Variants in SLC7A5 observed in about 807,000 individuals in gnomAD.
The protein encoded by SLC7A5 is solute carrier family 7 member 5.
In SLC7A5, 23 loss-of-function variants were observed where a neutral mutation model predicts 50.2. That is an observed-to-expected ratio of 0.46 (90% CI 0.33 to 0.65). SLC7A5 has a LOEUF of 0.65. Ranked by LOEUF, SLC7A5 falls within the 30% of genes least tolerant of loss-of-function variation. The probability of loss-of-function intolerance (pLI) is 0.02; values close to 1 mark genes in which losing one functional copy is unlikely to be tolerated. For synonymous variants in SLC7A5, 393 were observed against 330.6 expected (o/e 1.19, Z -2.05); for missense variants, 578 against 684.4 (o/e 0.84, Z 1.73).
Position 87,832,854 on chromosome 16 carries a change from G to T in SLC7A5, c.*116C>A. The T allele has an allele frequency of 1.2e-6, 1 of 841,634 alleles. No individual in the cohort carries two copies. 52.1% of individuals were successfully genotyped at this position (841,634 alleles called of 1,614,324 possible). On this transcript the variant is annotated 3_prime_UTR_variant, in exon 10 of 10. Transcript: ENST00000261622. The surrounding 1 kb of genome is among the most constrained non-coding windows in gnomAD (Gnocchi z 4.6). Reference sequence around the variant, plus strand: ...CTGCCCGACCTGGGAGGGACGGCGAGGGACTGGGATGGGCAGCTGAGCTGT... The same window carrying T: ...CTGCCCGACCTGGGAGGGACGGCGATGGACTGGGATGGGCAGCTGAGCTGT...
chr16:87,849,003 T>C (rs2055187413), intron 2 of SLC7A5, among the ~76,000 whole-genome samples: 1 of 152,180 alleles, frequency 6.6e-6, no homozygotes, highest in African/African-American at 2.4e-5. Context: ...AGGAGGAGCC[T>C]TTTCAGCCCC....
rs1322075119 is a variant in SLC7A5 at position 87,869,280 on chromosome 16, C to T, written c.143G>A (p.Arg48Gln). The T allele has an allele frequency of 2.5e-6, 4 of 1,612,084 alleles. No individual in the cohort carries two copies. Among genetic ancestry groups the T allele is most frequent in the Non-Finnish European group, 3.4e-6 (4 of 1,179,838 alleles). Residue 48 changes from arginine (R) to glutamine (Q), a missense_variant, in exon 1 of 10, where the codon CGG becomes CAG. Physicochemically the swap from Arg to Gln is conservative, Grantham distance 43. Coordinates refer to ENST00000261622, the MANE Select transcript of SLC7A5 (RefSeq NM_003486.7). ...AGEGEGVTLQRNITLLNGVAI... is the reference protein window; with the variant it reads ...AGEGEGVTLQQNITLLNGVAI... ...CACGCCGTTGAGCAGCGTGATGTTC[C>T]GCTGCAGGGTCACGCCCTCGCCCTC...
intron 2 of SLC7A5, among the ~76,000 whole-genome samples, chr16:87,844,257 C>CG (rs574529409): frequency 8.1e-4 from 123 of 152,340 alleles, no homozygotes; most frequent in African/African-American, 2.9e-3. Flanking sequence ...AGCCAAACCC[C>CG]GGGTGGGGGG....
In SLC7A5 at chr16:87,853,447, C is replaced by T. The variant is rs574631393; in HGVS notation, c.539-1598G>A. 1.6e-4 allele frequency among the ~76,000 whole-genome samples: 25 copies of T among 152,214 alleles called. No homozygotes were observed. Among genetic ancestry groups the T allele is most frequent in the East Asian group, 3.9e-4 (2 of 5,180 alleles). On this transcript the variant is annotated intron_variant, in intron 1 of 9. Transcript: ENST00000261622. The surrounding 1 kb of genome is among the most constrained non-coding windows in gnomAD (Gnocchi z 4.4). ...TCCTAAAATAAAATACTTGAAATTC[C>T]GGAACTTCCACTCCTCACCCAAACT...
intron 8 of SLC7A5, among the ~76,000 whole-genome samples, chr16:87,835,852 C>G (rs1005156493): frequency 1.3e-4 from 20 of 152,350 alleles, no homozygotes; most frequent in African/African-American, 4.6e-4. Flanking sequence ...ATGGTCCGGG[C>G]AGGGAAGCAG....
Position 87,863,688 on chromosome 16 carries a change from T to C in SLC7A5, c.538+5197A>G, listed in dbSNP as rs1370578034. ...AGCAAGGGATTTTTTTCACTCACCG[T>C]CAGTGGGATGGTTCTAAGCACCGAG... On this transcript the variant is annotated intron_variant, in intron 1 of 9. Transcript: ENST00000261622. The C allele has an allele frequency of 2.6e-5, 4 of 152,022 alleles. No individual in the cohort carries two copies. The East Asian group carries it at 5.8e-4, about 22-fold the overall frequency. The allele number at this position is 152,022 out of a possible 1,614,324, so 9.4% of individuals were successfully genotyped here. A position where few individuals can be genotyped will look rare whatever the true frequency, so the allele number is the denominator to read the frequency against.
intron 2 of SLC7A5, among the ~76,000 whole-genome samples, chr16:87,846,693 C>T (rs2055158633): frequency 6.6e-6 from 1 of 152,168 alleles, no homozygotes; most frequent in South Asian, 2.1e-4. Context: ...GGCGGGGCCT[C>T]TCACCGACTC....
chr16:87,841,891 A>G lies in SLC7A5; in HGVS notation c.665-736T>C, dbSNP rs1414070681. Among the ~76,000 whole-genome samples, 1 of 152,180 alleles carries G rather than the reference A, an allele frequency of 6.6e-6. No homozygotes were observed. The highest frequency in any genetic ancestry group is 1.5e-5 in the Non-Finnish European group (1 of 68,014). ...CACATCTGCGAAGACCCTTTTTCCA[A>G]ATAAGGCCACCAGCATTCACAGGTT... On this transcript the variant is annotated intron_variant, in intron 2 of 9. Transcript: ENST00000261622. This position sits in a 1 kb window ranked among gnomAD's most constrained non-coding sequence, Gnocchi z 4.8.
chr16:87,847,568 T>C (rs2055169384), intron 2 of SLC7A5, among the ~76,000 whole-genome samples: 2 of 152,200 alleles, frequency 1.3e-5, no homozygotes, highest in Non-Finnish European at 2.9e-5. Flanking sequence ...ACTCAGGAAC[T>C]GTCCCGTCAG....
rs1421939494 is a variant in SLC7A5 at position 87,861,515 on chromosome 16, C to G, written c.538+7370G>C. The stretch of plus-strand genomic sequence containing the variant: ...CTCGCTCCTGCCTCAGTTTCCCCAG[C>G]TGTAAATTGGGGATTATCACTGGCT... On this transcript the variant is annotated intron_variant, in intron 1 of 9. Coordinates refer to ENST00000261622, the MANE Select transcript of SLC7A5 (RefSeq NM_003486.7). The surrounding 1 kb of genome is among the most constrained non-coding windows in gnomAD (Gnocchi z 4.2). Among the ~76,000 whole-genome samples, 1 of 152,168 alleles carries G rather than the reference C, an allele frequency of 6.6e-6. No homozygotes were observed. The highest frequency in any genetic ancestry group is 1.5e-5 in the Non-Finnish European group (1 of 68,020).
At chr16:87,866,935 G>T (rs905192788) in intron 1 of SLC7A5, among the ~76,000 whole-genome samples, 17 of 151,940 alleles carry the variant, frequency 1.1e-4, no homozygotes, top group African/African-American at 3.4e-4. Flanking sequence ...GCACCCAGGG[G>T]CTGCTTTTTT....
intron 2 of SLC7A5, among the ~76,000 whole-genome samples, chr16:87,843,207 G>A (rs898533446): frequency 7.2e-5 from 11 of 152,200 alleles, no homozygotes; most frequent in African/African-American, 2.6e-4. Flanking sequence ...CCTCATAGCT[G>A]ACCTCCAGCC....
chr16:87,855,012 C>A (rs528650322), intron 1 of SLC7A5, among the ~76,000 whole-genome samples: 1 of 152,258 alleles, frequency 6.6e-6, no homozygotes, highest in South Asian at 2.1e-4. Flanking sequence ...CCTGGCCATA[C>A]CCAGAGCCAG....
At position 87,836,587 on chromosome 16, in the gene SLC7A5, T is replaced by G; in HGVS notation, c.1201A>C (p.Ser401Arg). 1 of 1,613,686 alleles carries G rather than the reference T, an allele frequency of 6.2e-7. No individual in the cohort carries two copies. The change falls in exon 8 of 10, where the codon AGC (serine) becomes CGC (arginine). Residue 401 changes from serine to arginine, a missense_variant. Physicochemically the swap from Ser to Arg is moderately radical, Grantham distance 110. This residue lies in a region of SLC7A5 where 465 missense variants were observed against 594.6 expected (regional missense o/e 0.78). Coordinates refer to ENST00000261622, the MANE Select transcript of SLC7A5 (RefSeq NM_003486.7). ...KDIFSVINFF[S>R]FFNWLCVALA... ...GCCACGCAGAGCCAGTTGAAGAAGC[T>G]GAAGAAGTTGATGACGGAGAAGATG...
chr16:87,833,088 G>T lies in SLC7A5; in HGVS notation c.1469-63C>A. On this transcript the variant is annotated intron_variant, in intron 9 of 9. Coordinates refer to ENST00000261622, the MANE Select transcript of SLC7A5 (RefSeq NM_003486.7). This position sits in a 1 kb window ranked among gnomAD's most constrained non-coding sequence, Gnocchi z 6.0. Reference sequence around the variant, plus strand: ...TGGGTAGGCACCCGTGGGACACGGGGGCGTGAGCTGGGGCTCCCCCAGCCC... The same window carrying T: ...TGGGTAGGCACCCGTGGGACACGGGTGCGTGAGCTGGGGCTCCCCCAGCCC... The T allele has an allele frequency of 1.4e-6, 2 of 1,400,688 alleles. No homozygotes were observed. The highest frequency in any genetic ancestry group is 2.0e-6 in the Non-Finnish European group (2 of 986,584). The allele number at this position is 1,400,688 out of a possible 1,614,324, so 86.8% of individuals were successfully genotyped here.
chr16:87,849,483 C>T (rs9926829), intron 2 of SLC7A5, among the ~76,000 whole-genome samples: 44,475 of 152,074 alleles, frequency 0.29, 6,846 homozygotes, highest in South Asian at 0.58. Context: ...GCTCTTTGCT[C>T]TCCCTACCGA....
rs141556383 is a variant in SLC7A5 at position 87,857,531 on chromosome 16, C to T, written c.539-5682G>A. ...CTCCTGACCTCAGGCGATCCGCCCA[C>T]CTTGGCCTCCCAAAGTGTTGGGATT... On this transcript the variant is annotated intron_variant, in intron 1 of 9. Coordinates refer to ENST00000261622, the MANE Select transcript of SLC7A5 (RefSeq NM_003486.7). 8.4e-3 allele frequency among the ~76,000 whole-genome samples: 1,284 copies of T among 152,366 alleles called. 26 individuals carry two copies. The highest frequency in any genetic ancestry group is 0.029 in the African/African-American group (1,223 of 41,590).
rs928187639 is a variant in SLC7A5, at chr16:87,853,514, A to G, written c.539-1665T>C. On this transcript the variant is annotated intron_variant, in intron 1 of 9. Transcript: ENST00000261622. This position sits in a 1 kb window ranked among gnomAD's most constrained non-coding sequence, Gnocchi z 4.4. ...ACCTCTTCCCAGGGCTCCCAGGGAC[A>G]TGGAGATGTTACCAGTCCAGAGCTC... Among the ~76,000 whole-genome samples the G allele has an allele frequency of 6.6e-6, 1 of 152,122 alleles. No individual in the cohort carries two copies. The highest frequency in any genetic ancestry group is 1.5e-5 in the Non-Finnish European group (1 of 68,018).
Position 87,869,470 on chromosome 16 carries a change from C to A in SLC7A5, c.-48G>T, listed in dbSNP as rs1363862727. ...GGGACACCCGGGAGCCGCGGCCCAG[C>A]GAGCAGTGTGCGCGCCGCCCGCCGC... On this transcript the variant is annotated 5_prime_UTR_variant, in exon 1 of 10. Transcript: ENST00000261622. 5 of 1,244,344 alleles carry A rather than the reference C, an allele frequency of 4.0e-6. No homozygotes were observed. The highest frequency in any genetic ancestry group is 4.4e-5 in the Admixed American group (1 of 22,646). The allele number at this position is 1,244,344 out of a possible 1,614,324, so 77.1% of individuals were successfully genotyped here.
Sources: gnomAD v4.1 joint callset for allele counts (sites outside exome capture counted in the v4.1 genomes callset) on GRCh38, gnomAD v4.1.1 for gene constraint, gnomAD v4.1.1 regional missense constraint, Gnocchi (gnomAD v3.1) non-coding constraint, MANE v1.5 for transcripts, NCBI Gene and HGNC (gene_info 2026-07-23, HGNC 2026-07-21) for gene names.